MACROD2: variants seen among roughly 807,000 people sequenced by gnomAD.
MACROD2 encodes mono-ADP ribosylhydrolase 2, also known as ADP-ribose glycohydrolase MACROD2.
A neutral mutation model predicts 70.4 loss-of-function variants in MACROD2; 36 were observed. The ratio of observed to expected loss-of-function variants is 0.51; its 90% CI spans 0.39 to 0.68. The LOEUF (loss-of-function observed/expected upper bound fraction) is 0.68, where lower values mean the gene tolerates loss of function less well. Among genes scored for constraint, MACROD2 ranks in the 30% least tolerant of loss-of-function variants. The probability of loss-of-function intolerance (pLI) is 0.00; values close to 1 mark genes in which losing one functional copy is unlikely to be tolerated. For synonymous variants in MACROD2, 172 were observed against 178.8 expected (o/e 0.96, Z 0.30); for missense variants, 496 against 538.4 (o/e 0.92, Z 0.78).
chr20:15,657,718 C>T (rs762317422), intron 8 of MACROD2, among the ~76,000 whole-genome samples: 7 of 152,138 alleles, frequency 4.6e-5, no homozygotes, highest in South Asian at 2.1e-4. Flanking sequence ...TCAGGCTGGG[C>T]GTGGTGGCTC....
chr20:14,560,622 A>T (rs1232614773), intron 4 of MACROD2, among the ~76,000 whole-genome samples: 2 of 151,806 alleles, frequency 1.3e-5, no homozygotes, highest in African/African-American at 4.8e-5. Context: ...CACAAAGAAA[A>T]CTTTTCTGAA....
At chr20:15,979,237 G>A (rs1279181490) in intron 13 of MACROD2, among the ~76,000 whole-genome samples, 3 of 152,178 alleles carry the variant, frequency 2.0e-5, no homozygotes, top group Admixed American at 1.3e-4. Context: ...ACTTAGCCCG[G>A]GTTGGCTGTG....
chr20:14,035,853 T>C (rs2053300172), intron 2 of MACROD2, among the ~76,000 whole-genome samples: 2 of 152,130 alleles, frequency 1.3e-5, no homozygotes, highest in South Asian at 2.1e-4. Flanking sequence ...ACCATTAAGA[T>C]AGACAGCGGC....
chr20:14,560,866 T>C (rs1185571107), intron 4 of MACROD2, among the ~76,000 whole-genome samples: 5 of 151,906 alleles, frequency 3.3e-5, no homozygotes, highest in African/African-American at 1.2e-4. Flanking sequence ...AATTTGCCTT[T>C]TTACCTCTTA....
At chr20:14,985,982 T>A (rs1372386228) in intron 5 of MACROD2, among the ~76,000 whole-genome samples, 2 of 152,078 alleles carry the variant, frequency 1.3e-5, no homozygotes, top group Non-Finnish European at 2.9e-5. Flanking sequence ...GTGCAACATA[T>A]TTGGGAGTGG....
chr20:15,296,612 A>G (rs928079757), intron 6 of MACROD2, among the ~76,000 whole-genome samples: 1 of 152,218 alleles, frequency 6.6e-6, no homozygotes, highest in Non-Finnish European at 1.5e-5. Context: ...AAAAACAAAC[A>G]GAAGCAGAGA....
chr20:15,665,074 A>G (rs1420146899), intron 8 of MACROD2, among the ~76,000 whole-genome samples: 1 of 152,204 alleles, frequency 6.6e-6, no homozygotes, highest in Non-Finnish European at 1.5e-5. Context: ...AGGTTCACAC[A>G]GAGACTTTCT....
intron 8 of MACROD2, among the ~76,000 whole-genome samples, chr20:15,635,879 C>T (rs1037732117): frequency 7.2e-5 from 11 of 151,750 alleles, no homozygotes; most frequent in Admixed American, 1.3e-4. Flanking sequence ...ACCAGCCTGG[C>T]CAACATGGCA....
intron 16 of MACROD2, among the ~76,000 whole-genome samples, chr20:16,043,165 G>C (rs1265334214): frequency 2.0e-5 from 3 of 152,046 alleles, no homozygotes; most frequent in African/African-American, 7.2e-5. Context: ...AATACTTCAA[G>C]CATGCTCTGA....
intron 5 of MACROD2, among the ~76,000 whole-genome samples, chr20:15,033,668 C>A (rs967117579): frequency 1.3e-5 from 2 of 152,198 alleles, no homozygotes; most frequent in African/African-American, 4.8e-5. Context: ...CACTATAACT[C>A]TCTAACTTGT....
chr20:14,779,807 T>G (rs2072277460), intron 5 of MACROD2, among the ~76,000 whole-genome samples: 1 of 152,168 alleles, frequency 6.6e-6, no homozygotes, highest in African/African-American at 2.4e-5. Flanking sequence ...TTAGAATATC[T>G]TAAATAATTA....
At chr20:14,261,759 A>C (rs1288121079) in intron 3 of MACROD2, among the ~76,000 whole-genome samples, 1 of 152,206 alleles carries the variant, frequency 6.6e-6, no homozygotes. Context: ...TGAGTAACTC[A>C]TAGACTCTGT....
intron 3 of MACROD2, among the ~76,000 whole-genome samples, chr20:14,422,579 A>AT (rs1171460039): frequency 6.6e-6 from 1 of 151,166 alleles, no homozygotes; most frequent in Non-Finnish European, 1.5e-5. Flanking sequence ...TTCTACAGGT[A>AT]TTTTTTTTGT....
intron 15 of MACROD2, among the ~76,000 whole-genome samples, chr20:16,013,632 G>A (rs1199291559): frequency 1.3e-5 from 2 of 152,144 alleles, no homozygotes; most frequent in Non-Finnish European, 2.9e-5. Flanking sequence ...GACTCTCCAT[G>A]GCCACGTTCT....
intron 3 of MACROD2, among the ~76,000 whole-genome samples, chr20:14,101,035 T>C (rs1426641827): frequency 1.3e-5 from 2 of 151,280 alleles, no homozygotes; most frequent in African/African-American, 4.8e-5. Context: ...TTTTTTATTA[T>C]TTATTTTATC....
intron 2 of MACROD2, among the ~76,000 whole-genome samples, chr20:14,026,987 C>T (rs75331787): frequency 0.039 from 5,955 of 152,284 alleles, 338 homozygotes; most frequent in East Asian, 0.2. Flanking sequence ...GTCCCTGACC[C>T]TTGTGCCTCC....
intron 6 of MACROD2, among the ~76,000 whole-genome samples, chr20:15,334,590 T>TAAAA (rs73619844): frequency 0.036 from 5,471 of 150,328 alleles, 179 homozygotes; most frequent in Middle Eastern, 0.11. Context: ...TGATTTTTTT[T>TAAAA]AAAAAAAAAC....
chr20:15,034,463 C>T (rs934935956), intron 5 of MACROD2, among the ~76,000 whole-genome samples: 2 of 152,218 alleles, frequency 1.3e-5, no homozygotes, highest in East Asian at 1.9e-4. Flanking sequence ...CCCCCAGCCC[C>T]CTCAGTTTAG....
intron 6 of MACROD2, among the ~76,000 whole-genome samples, chr20:15,276,271 GC>G (rs539721897): frequency 2.0e-4 from 30 of 152,074 alleles, no homozygotes; most frequent in African/African-American, 7.2e-4. Flanking sequence ...ATGGTGGCAG[GC>G]GCCTGTAGTC....
Sources: allele counts gnomAD v4.1 joint callset (sites outside exome capture counted in the v4.1 genomes callset), GRCh38; gene constraint gnomAD v4.1.1; transcripts MANE v1.5; gene names NCBI Gene and HGNC (gene_info 2026-07-23, HGNC 2026-07-21).